The following NSMCE2 variants were observed in gnomAD, a reference collection of about 807,000 sequenced individuals.
NSMCE2 encodes the protein NSE2 SUMO ligase component of SMC5/6 complex.
A neutral mutation model predicts 23.8 loss-of-function variants in NSMCE2; 24 were observed. The ratio of observed to expected loss-of-function variants is 1.01; its 90% confidence interval spans 0.73 to 1.42. NSMCE2 has a LOEUF of 1.42. Among genes scored for constraint, NSMCE2 ranks in the 40% most tolerant of loss-of-function variants. The pLI, the probability that NSMCE2 is intolerant of heterozygous loss-of-function variation, is 0.00. For synonymous variants in NSMCE2, 92 were observed against 94.1 expected (o/e 0.98, Z 0.13); for missense variants, 284 against 296.5 (o/e 0.96, Z 0.31).
intron 3 of NSMCE2, among the ~76,000 whole-genome samples, chr8:125,130,881 C>T (rs947027254): frequency 2.0e-5 from 3 of 152,172 alleles, no homozygotes; most frequent in African/African-American, 7.2e-5. Context: ...TGTACATTTG[C>T]TTCTGTGTGT....
At chr8:125,126,099 T>C (rs1819504352) in intron 3 of NSMCE2, among the ~76,000 whole-genome samples, 1 of 152,120 alleles carries the variant, frequency 6.6e-6, no homozygotes, top group Non-Finnish European at 1.5e-5. Context: ...GGGCAGTTAG[T>C]CATCCAGGCG....
intron 4 of NSMCE2, among the ~76,000 whole-genome samples, chr8:125,153,641 A>G (rs141458533): frequency 1.3e-5 from 2 of 152,310 alleles, no homozygotes; most frequent in East Asian, 3.9e-4. Flanking sequence ...TGGTTCTTCT[A>G]CTTTCTAAGT....
At chr8:125,183,238 A>G (rs1822914478) in intron 5 of NSMCE2, among the ~76,000 whole-genome samples, 1 of 152,160 alleles carries the variant, frequency 6.6e-6, no homozygotes, top group African/African-American at 2.4e-5. Flanking sequence ...CATTTTCTTT[A>G]AATTGATGCT....
At chr8:125,354,972 C>A (rs528556394) in intron 5 of NSMCE2, among the ~76,000 whole-genome samples, 23 of 152,296 alleles carry the variant, frequency 1.5e-4, no homozygotes, top group African/African-American at 4.8e-4. Context: ...GTTAAAAATG[C>A]TGCATAAAAT....
chr8:125,134,905 ATTTTG>A (rs797018451), intron 3 of NSMCE2, among the ~76,000 whole-genome samples: 8 of 151,398 alleles, frequency 5.3e-5, no homozygotes, highest in African/African-American at 1.2e-4. Flanking sequence ...TGAAAAATAA[ATTTTG>A]TTTTGTTTTG....
At chr8:125,352,036 G>T (rs1052037367) in intron 5 of NSMCE2, among the ~76,000 whole-genome samples, 1 of 152,026 alleles carries the variant, frequency 6.6e-6, no homozygotes. Flanking sequence ...ACATAGTGGG[G>T]CTTAAATTTT....
At chr8:125,304,660 C>G (rs1367605995) in intron 5 of NSMCE2, among the ~76,000 whole-genome samples, 2 of 152,032 alleles carry the variant, frequency 1.3e-5, no homozygotes, top group South Asian at 2.1e-4. Flanking sequence ...AGTTCAAGAC[C>G]AACCTGGCCA....
rs147896719 is a variant in NSMCE2 at position 125,201,809 on chromosome 8, A to G, written c.418+19553A>G. ...TGCCCTGTCCACAGAGGTGGAGTCT[A>G]TAGAGGCAGTAGCCCTTGATGAGCT... is the stretch of plus-strand genomic sequence containing the variant. On this transcript the variant is annotated intron_variant, in intron 5 of 7. Coordinates refer to ENST00000287437, the MANE Select transcript of NSMCE2 (RefSeq NM_173685.4). Among the ~76,000 whole-genome samples, 41 of 152,356 alleles carry G rather than the reference A, an allele frequency of 2.7e-4. 1 individual carries two copies. Among genetic ancestry groups the G allele is most frequent in the Middle Eastern group, 3.4e-3 (1 of 294 alleles).
intron 4 of NSMCE2, among the ~76,000 whole-genome samples, chr8:125,158,012 G>T (rs1264963571): frequency 6.6e-6 from 1 of 152,180 alleles, no homozygotes; most frequent in African/African-American, 2.4e-5. Flanking sequence ...AAAGGAAGAG[G>T]ATATTCAGAA....
At chr8:125,274,388 T>A (rs1827354143) in intron 5 of NSMCE2, among the ~76,000 whole-genome samples, 1 of 152,232 alleles carries the variant, frequency 6.6e-6, no homozygotes, top group Non-Finnish European at 1.5e-5. Flanking sequence ...GTGATTTTTT[T>A]TTAGTTCATT....
intron 3 of NSMCE2, among the ~76,000 whole-genome samples, chr8:125,124,734 T>C (rs1471111511): frequency 6.6e-6 from 1 of 152,164 alleles, no homozygotes; most frequent in East Asian, 1.9e-4. Flanking sequence ...TGCCTTGGCC[T>C]CCCAAAGTAC....
chr8:125,350,419 A>G (rs1812984824), intron 5 of NSMCE2, among the ~76,000 whole-genome samples: 1 of 152,256 alleles, frequency 6.6e-6, no homozygotes, highest in South Asian at 2.1e-4. Flanking sequence ...GGCATGTTCC[A>G]GAAACAGAAA....
At chr8:125,301,021 T>C (rs1214525642) in intron 5 of NSMCE2, among the ~76,000 whole-genome samples, 1 of 152,232 alleles carries the variant, frequency 6.6e-6, no homozygotes, top group African/African-American at 2.4e-5. Context: ...TGCTCAGTTA[T>C]TTCTGTGTCA....
At chr8:125,184,852 G>A (rs1823016150) in intron 5 of NSMCE2, among the ~76,000 whole-genome samples, 1 of 152,040 alleles carries the variant, frequency 6.6e-6, no homozygotes, top group South Asian at 2.1e-4. Context: ...ATGAGCTAAT[G>A]AATCTGTTTT....
intron 3 of NSMCE2, among the ~76,000 whole-genome samples, chr8:125,150,293 C>T (rs765390075): frequency 6.6e-6 from 1 of 151,660 alleles, no homozygotes; most frequent in Non-Finnish European, 1.5e-5. Context: ...CCCCACTTCT[C>T]GTTTTTGTTT....
chr8:125,183,120 CAT>C (rs767998484), intron 5 of NSMCE2, among the ~76,000 whole-genome samples: 22 of 152,288 alleles, frequency 1.4e-4, no homozygotes, highest in Non-Finnish European at 2.2e-4. Flanking sequence ...TTTACACACA[CAT>C]GGAGCAGGAG....
chr8:125,265,409 C>T (rs998776427), intron 5 of NSMCE2, among the ~76,000 whole-genome samples: 1 of 151,960 alleles, frequency 6.6e-6, no homozygotes, highest in Non-Finnish European at 1.5e-5. Context: ...TTTGAAGAGA[C>T]AGGAGTTCTC....
intron 5 of NSMCE2, among the ~76,000 whole-genome samples, chr8:125,205,180 T>C (rs1042174346): frequency 1.3e-5 from 2 of 152,214 alleles, no homozygotes; most frequent in Non-Finnish European, 2.9e-5. Flanking sequence ...TCTGCCTCAA[T>C]GCAGAAATCA....
intron 3 of NSMCE2, among the ~76,000 whole-genome samples, chr8:125,150,320 C>G (rs1403639398): frequency 6.6e-6 from 1 of 150,904 alleles, no homozygotes; most frequent in Admixed American, 6.6e-5. Flanking sequence ...AGATTTTGCC[C>G]TGGTTATTTC....
Sources: allele counts gnomAD v4.1 joint callset (sites outside exome capture counted in the v4.1 genomes callset), GRCh38; gene constraint gnomAD v4.1.1; transcripts MANE v1.5; gene names NCBI Gene and HGNC (gene_info 2026-07-23, HGNC 2026-07-21).